CTNNA3: variants seen among roughly 807,000 people sequenced by gnomAD.
CTNNA3 encodes the protein catenin alpha 3, also known as catenin alpha-3.
Under a neutral mutation model 95.7 loss-of-function variants are expected in CTNNA3, and 76 were observed. The observed-to-expected ratio is 0.79, with a 90% CI of 0.66 to 0.96. The LOEUF (loss-of-function observed/expected upper bound fraction) is 0.96. CTNNA3 is among the 40% of genes least tolerant of loss of function. CTNNA3 has a pLI of 0.00. For missense variants in CTNNA3, 1,191 were observed against 1,089.8 expected, an observed-to-expected ratio of 1.09 and a Z score of -1.31; for synonymous variants, 431 against 374.4, an observed-to-expected ratio of 1.15 and a Z score of -1.74.
intron 1 of CTNNA3, among the ~76,000 whole-genome samples, chr10:67,731,909 C>T (rs554132103): frequency 3.2e-4 from 49 of 151,552 alleles, no homozygotes; most frequent in Non-Finnish European, 5.3e-4. Context: ...TACAGGTACC[C>T]GCCACCAAGC....
At chr10:66,924,152 T>A (rs1025293080) in intron 7 of CTNNA3, among the ~76,000 whole-genome samples, 1 of 152,212 alleles carries the variant, frequency 6.6e-6, no homozygotes, top group African/African-American at 2.4e-5. Context: ...GGGCAGTCTA[T>A]CTTTTTAAGA....
chr10:66,215,335 C>T (rs753938452), intron 13 of CTNNA3, among the ~76,000 whole-genome samples: 1 of 152,136 alleles, frequency 6.6e-6, no homozygotes, highest in Non-Finnish European at 1.5e-5. Flanking sequence ...GTGCTATGCC[C>T]TTTACATCAG....
At chr10:66,766,743 T>C (rs766508614) in intron 8 of CTNNA3, among the ~76,000 whole-genome samples, 6 of 152,250 alleles carry the variant, frequency 3.9e-5, no homozygotes, top group Non-Finnish European at 7.3e-5. Context: ...TATGAGTGTG[T>C]ACACATAATA....
intron 11 of CTNNA3, among the ~76,000 whole-genome samples, chr10:66,448,578 C>G (rs1174955936): frequency 6.9e-6 from 1 of 144,176 alleles, no homozygotes; most frequent in Non-Finnish European, 1.5e-5. Flanking sequence ...CTCGCAAGGA[C>G]AAAAAACCAA....
intron 5 of CTNNA3, among the ~76,000 whole-genome samples, chr10:67,289,440 T>C (rs1443621027): frequency 6.6e-6 from 1 of 152,206 alleles, no homozygotes; most frequent in Non-Finnish European, 1.5e-5. Flanking sequence ...ATGAGGAAAC[T>C]AGGATCAGGG....
At chr10:66,090,009 A>G (rs955781828) in intron 14 of CTNNA3, among the ~76,000 whole-genome samples, 3 of 152,002 alleles carry the variant, frequency 2.0e-5, no homozygotes, top group Non-Finnish European at 2.9e-5. Context: ...CATCATTTCA[A>G]AGAACAACAT....
At chr10:67,232,345 G>A (rs1171269084) in intron 5 of CTNNA3, among the ~76,000 whole-genome samples, 8 of 151,974 alleles carry the variant, frequency 5.3e-5, no homozygotes, top group East Asian at 1.9e-4. Context: ...GAAGAGAGTG[G>A]GGGCCAATAT....
chr10:66,995,131 T>A (rs1178253668), intron 7 of CTNNA3, among the ~76,000 whole-genome samples: 1 of 152,176 alleles, frequency 6.6e-6, no homozygotes, highest in African/African-American at 2.4e-5. Context: ...TGCTTGAATG[T>A]CACAGAAATA....
At chr10:67,005,008 A>G (rs1851888715) in intron 7 of CTNNA3, among the ~76,000 whole-genome samples, 1 of 152,180 alleles carries the variant, frequency 6.6e-6, no homozygotes, top group South Asian at 2.1e-4. Context: ...CAAACCCTCA[A>G]GGTAGTTTCA....
intron 7 of CTNNA3, among the ~76,000 whole-genome samples, chr10:66,799,654 C>T (rs1408811423): frequency 6.6e-6 from 1 of 150,962 alleles, no homozygotes; most frequent in Non-Finnish European, 1.5e-5. Flanking sequence ...TAATAAGAAT[C>T]CCAAAAGGAG....
At chr10:66,961,512 T>C (rs1213055775) in intron 7 of CTNNA3, among the ~76,000 whole-genome samples, 1 of 152,144 alleles carries the variant, frequency 6.6e-6, no homozygotes, top group Non-Finnish European at 1.5e-5. Flanking sequence ...AGTTCTCTTT[T>C]CCATTTCATC....
rs1589125688 is a variant in CTNNA3, at chr10:65,916,296, A to G, written c.*4034T>C. 1 of 152,292 alleles carries G rather than the reference A, an allele frequency of 6.6e-6. No homozygotes were observed. Among genetic ancestry groups the G allele is most frequent in the East Asian group, 1.9e-4 (1 of 5,184 alleles). The allele number at this position is 152,292 out of a possible 1,614,324, so 9.4% of individuals were successfully genotyped here. ...ATGAATATTTGATTCCTAAATATAC[A>G]ATAGGCAGGCTGTCTTGGCAAAAAA... On this transcript the variant is annotated 3_prime_UTR_variant, in exon 18 of 18. Coordinates refer to ENST00000433211, the MANE Select transcript of CTNNA3 (RefSeq NM_013266.4).
intron 11 of CTNNA3, among the ~76,000 whole-genome samples, chr10:66,405,772 T>C (rs369102971): frequency 6.6e-6 from 1 of 152,294 alleles, no homozygotes. Flanking sequence ...TTGCAAGGTC[T>C]TGCTTTTTCT....
At chr10:66,135,772 G>A (rs1008378729) in intron 13 of CTNNA3, among the ~76,000 whole-genome samples, 2 of 152,126 alleles carry the variant, frequency 1.3e-5, no homozygotes, top group Non-Finnish European at 2.9e-5. Context: ...TATCATTACT[G>A]AAACAAAATA....
chr10:66,109,151 G>A (rs1228096963), intron 13 of CTNNA3, among the ~76,000 whole-genome samples: 6 of 152,126 alleles, frequency 3.9e-5, no homozygotes, highest in Non-Finnish European at 8.8e-5. Flanking sequence ...CCATAGCCCC[G>A]TGCCACAAAC....
intron 9 of CTNNA3, among the ~76,000 whole-genome samples, chr10:66,706,475 C>A (rs551204805): frequency 4.0e-5 from 6 of 151,672 alleles, no homozygotes; most frequent in African/African-American, 9.7e-5. Context: ...ACAGCAATTT[C>A]TCTCATTTCT....
At chr10:66,526,883 C>CT (rs1328803429) in intron 10 of CTNNA3, among the ~76,000 whole-genome samples, 2 of 152,140 alleles carry the variant, frequency 1.3e-5, no homozygotes, top group African/African-American at 4.8e-5. Context: ...TTCTCCCACT[C>CT]TTTGGGTTGC....
chr10:66,280,983 T>C (rs1240007649), intron 12 of CTNNA3, among the ~76,000 whole-genome samples: 1 of 151,692 alleles, frequency 6.6e-6, no homozygotes, highest in Non-Finnish European at 1.5e-5. Context: ...CCACAAGACA[T>C]TACAAAAAGG....
At chr10:66,353,029 A>C (rs572491738) in intron 12 of CTNNA3, among the ~76,000 whole-genome samples, 12 of 152,128 alleles carry the variant, frequency 7.9e-5, no homozygotes, top group Non-Finnish European at 1.6e-4. Flanking sequence ...GTAATCTTTC[A>C]TGTATGATAT....
Sources: allele counts gnomAD v4.1 joint callset (sites outside exome capture counted in the v4.1 genomes callset), GRCh38; gene constraint gnomAD v4.1.1; transcripts MANE v1.5; gene names NCBI Gene and HGNC (gene_info 2026-07-23, HGNC 2026-07-21).